PCDHA13: variants seen among roughly 807,000 people sequenced by gnomAD.
PCDHA13 encodes the protein protocadherin alpha 13, also known as protocadherin alpha-13.
Under a neutral mutation model 64.8 loss-of-function variants are expected in PCDHA13, and 54 were observed. The ratio of observed to expected loss-of-function variants is 0.83; its 90% confidence interval spans 0.67 to 1.04. The LOEUF (loss-of-function observed/expected upper bound fraction) is 1.04, where lower values mean the gene tolerates loss of function less well. PCDHA13 is among the 50% of genes least tolerant of loss of function. The probability of loss-of-function intolerance (pLI) is 0.00; values close to 1 mark genes in which losing one functional copy is unlikely to be tolerated. For missense variants in PCDHA13, 1,248 were observed against 1,254.3 expected, an observed-to-expected ratio of 0.99 and a Z score of 0.08; for synonymous variants, 587 against 564.4, an observed-to-expected ratio of 1.04 and a Z score of -0.57.
chr5:140,901,690 T>C (rs566618023), intron 1 of PCDHA13, among the ~76,000 whole-genome samples: 22 of 152,340 alleles, frequency 1.4e-4, no homozygotes, highest in African/African-American at 5.3e-4. Flanking sequence ...ATGGGTATTT[T>C]GTAGTTCTAT....
At chr5:140,913,657 G>A (rs1554196018) in intron 1 of PCDHA13, among the ~76,000 whole-genome samples, 1 of 152,170 alleles carries the variant, frequency 6.6e-6, no homozygotes, top group Non-Finnish European at 1.5e-5. Context: ...TCTTTAAGAT[G>A]TATAGTTAGG....
At chr5:140,993,462 T>TCACACACACACACACACA (rs3836747) in intron 3 of PCDHA13, among the ~76,000 whole-genome samples, 2 of 140,938 alleles carry the variant, frequency 1.4e-5, no homozygotes, top group African/African-American at 5.3e-5. Flanking sequence ...TCTTTCTTTC[T>TCACACACACACACACACA]CACACACACA....
At chr5:140,968,288 C>T (rs782056996) in intron 1 of PCDHA13, 16 of 1,613,976 alleles carry the variant, frequency 9.9e-6, no homozygotes, top group Middle Eastern at 1.6e-4. Context: ...GACCTACTCC[C>T]TTCTGGAGAG....
At chr5:140,896,116 A>G (rs2065393833) in intron 1 of PCDHA13, among the ~76,000 whole-genome samples, 1 of 152,044 alleles carries the variant, frequency 6.6e-6, no homozygotes, top group Admixed American at 6.6e-5. Context: ...TGGCCAATGT[A>G]CTGCATTTTA....
intron 3 of PCDHA13, among the ~76,000 whole-genome samples, chr5:141,000,900 G>A (rs1020896392): frequency 6.6e-6 from 1 of 151,614 alleles, no homozygotes; most frequent in African/African-American, 2.4e-5. Flanking sequence ...AGATATAGAC[G>A]CTGTCTCTAA....
At chr5:140,990,318 A>C (rs2097387548) in intron 3 of PCDHA13, among the ~76,000 whole-genome samples, 1 of 152,054 alleles carries the variant, frequency 6.6e-6, no homozygotes, top group Admixed American at 6.5e-5. Context: ...AACCAACCAA[A>C]CAAACTTTAA....
chr5:140,897,104 C>A (rs1474457154), intron 1 of PCDHA13, among the ~76,000 whole-genome samples: 1 of 152,116 alleles, frequency 6.6e-6, no homozygotes, highest in Non-Finnish European at 1.5e-5. Flanking sequence ...TTAAAAATCT[C>A]CACTTTCTGT....
At chr5:140,967,046 C>G in intron 1 of PCDHA13, 1 of 1,612,334 alleles carries the variant, frequency 6.2e-7, no homozygotes, top group Non-Finnish European at 8.5e-7. Context: ...GGAGCTGGAC[C>G]TGACGAGTGG....
intron 3 of PCDHA13, among the ~76,000 whole-genome samples, chr5:141,009,295 A>AT (rs1258767808): frequency 6.6e-6 from 1 of 152,030 alleles, no homozygotes; most frequent in African/African-American, 2.4e-5. Flanking sequence ...TTTCTATAAA[A>AT]TTTTTTTTAA....
At chr5:140,957,386 T>C (rs1461790676) in intron 1 of PCDHA13, among the ~76,000 whole-genome samples, 1 of 152,226 alleles carries the variant, frequency 6.6e-6, no homozygotes, top group Non-Finnish European at 1.5e-5. Context: ...TGTATTGTTA[T>C]AATTGTCCTA....
intron 1 of PCDHA13, chr5:140,967,309 A>G (rs782218334): frequency 6.2e-7 from 1 of 1,611,224 alleles, no homozygotes; most frequent in East Asian, 2.2e-5. Context: ...GCGCCAACTC[A>G]GTACAGACCT....
In PCDHA13 at chr5:140,971,961, T is replaced by C. The variant is rs1412814726; in HGVS notation, c.2395-6988T>C. ...TGTATCCATCTGACTCCAAAAACTT[T>C]TTTTCAATACTATGAGTAGACAGAA... On this transcript the variant is annotated intron_variant, in intron 1 of 3. Transcript: ENST00000289272. 2.0e-5 allele frequency among the ~76,000 whole-genome samples: 3 copies of C among 152,144 alleles called. No homozygotes were observed. The East Asian group carries it at 5.8e-4, about 29-fold the overall frequency.
chr5:140,969,557 A>G, intron 1 of PCDHA13: 2 of 1,212,410 alleles, frequency 1.6e-6, no homozygotes, highest in South Asian at 3.3e-5. Context: ...AGCCTTGTCC[A>G]TAAAATTGTT....
intron 1 of PCDHA13, among the ~76,000 whole-genome samples, chr5:140,938,308 T>C (rs1468853140): frequency 6.6e-6 from 1 of 152,212 alleles, no homozygotes; most frequent in Admixed American, 6.5e-5. Context: ...AAATTCAGTA[T>C]AAAATTGAAT....
At chr5:140,987,681 G>A (rs1554249426) in intron 3 of PCDHA13, among the ~76,000 whole-genome samples, 2 of 152,184 alleles carry the variant, frequency 1.3e-5, no homozygotes, top group Non-Finnish European at 2.9e-5. Context: ...TTAGTAAATA[G>A]TAGCTATTTT....
rs782328874 is a variant in PCDHA13, at chr5:141,009,755, C to G, written c.2671C>G (p.Pro891Ala). The G allele has an allele frequency of 6.2e-7, 1 of 1,614,002 alleles. No homozygotes were observed. Among genetic ancestry groups the G allele is most frequent in the African/African-American group, 1.3e-5 (1 of 74,894 alleles). ...TGAGTTGCCCGACAAATTCATTATC[C>G]CAGGATCTCCTGCAATCATCTCCAT... ...PGELPDKFII[P>A]GSPAIISIRQ... Residue 891 changes from proline (P) to alanine (A), a missense_variant, in exon 4 of 4, where the codon CCA becomes GCA. Physicochemically the swap from Pro to Ala is conservative, Grantham distance 27. Coordinates refer to ENST00000289272, the MANE Select transcript of PCDHA13 (RefSeq NM_018904.3).
At chr5:140,899,382 TGA>T (rs2067295037) in intron 1 of PCDHA13, among the ~76,000 whole-genome samples, 1 of 152,198 alleles carries the variant, frequency 6.6e-6, no homozygotes, top group Non-Finnish European at 1.5e-5. Context: ...CCTAATTTAT[TGA>T]GAGTTTTTAG....
intron 3 of PCDHA13, among the ~76,000 whole-genome samples, chr5:141,002,749 A>G (rs2098093412): frequency 1.3e-5 from 2 of 152,202 alleles, no homozygotes; most frequent in South Asian, 4.1e-4. Flanking sequence ...TACATCGACA[A>G]CCCTGTGATG....
At chr5:140,966,645 C>A in intron 1 of PCDHA13, 1 of 1,125,650 alleles carries the variant, frequency 8.9e-7, no homozygotes, top group African/African-American at 1.7e-5. Context: ...CTTTCTAGAG[C>A]GTGAGCGGTG....
Sources: gnomAD v4.1 joint callset for allele counts (sites outside exome capture counted in the v4.1 genomes callset) on GRCh38, gnomAD v4.1.1 for gene constraint, MANE v1.5 for transcripts, NCBI Gene and HGNC (gene_info 2026-07-23, HGNC 2026-07-21) for gene names.